Variants in PPM1H observed in about 807,000 individuals in gnomAD.
The protein encoded by PPM1H is protein phosphatase, Mg2+/Mn2+ dependent 1H.
In PPM1H, 27 loss-of-function variants were observed where a neutral mutation model predicts 54.9. The ratio of observed to expected loss-of-function variants is 0.49; its 90% CI spans 0.36 to 0.68. The LOEUF (loss-of-function observed/expected upper bound fraction) is 0.68, where lower values mean the gene tolerates loss of function less well. PPM1H is among the 30% of genes least tolerant of loss of function. The probability of loss-of-function intolerance (pLI) is 0.00; values close to 1 mark genes in which losing one functional copy is unlikely to be tolerated. For synonymous variants in PPM1H, 305 were observed against 270.8 expected, an observed-to-expected ratio of 1.13 and a Z score of -1.24; for missense variants, 596 against 667.8, an observed-to-expected ratio of 0.89 and a Z score of 1.19.
rs537477623 is a variant in PPM1H at position 62,902,190 on chromosome 12, G to A, written c.245+32302C>T. ...AGCCTGTCCAACATGGCGAAACCCC[G>A]TCTCTACTAAAAATACAAAAATTAG... On this transcript the variant is annotated intron_variant, in intron 1 of 9. Coordinates refer to ENST00000228705, the MANE Select transcript of PPM1H (RefSeq NM_020700.2). Among the ~76,000 whole-genome samples, 197 of 151,638 alleles carry A rather than the reference G, an allele frequency of 1.3e-3. 1 individual carries two copies. The highest frequency in any genetic ancestry group is 5.0e-3 in the Admixed American group (76 of 15,236).
chr12:62,721,898 A>C (rs1158226459), intron 5 of PPM1H, among the ~76,000 whole-genome samples: 1 of 152,112 alleles, frequency 6.6e-6, no homozygotes, highest in African/African-American at 2.4e-5. Flanking sequence ...TGAGTACTAC[A>C]CTCAGTGCTT....
intron 4 of PPM1H, 70 bp downstream of exon 4, chr12:62,788,156 T>C (rs1166558004): frequency 2.8e-6 from 3 of 1,057,704 alleles, no homozygotes; most frequent in Non-Finnish European, 4.2e-6. Context: ...AATCATTTAA[T>C]TTTTGAGACA....
intron 1 of PPM1H, among the ~76,000 whole-genome samples, chr12:62,872,813 A>G (rs185811455): frequency 1.3e-5 from 2 of 152,328 alleles, no homozygotes; most frequent in Admixed American, 1.3e-4. Flanking sequence ...ACTAAAATGT[A>G]TTTCCAGGAA....
chr12:62,661,099 G>C (rs1183900242), intron 9 of PPM1H, among the ~76,000 whole-genome samples: 1 of 152,072 alleles, frequency 6.6e-6, no homozygotes, highest in Non-Finnish European at 1.5e-5. Context: ...TCCAAGACCA[G>C]TCAGCCACAC....
At chr12:62,774,321 A>G (rs2120659577) in intron 4 of PPM1H, among the ~76,000 whole-genome samples, 1 of 152,134 alleles carries the variant, frequency 6.6e-6, no homozygotes, top group Non-Finnish European at 1.5e-5. Flanking sequence ...GGCAGCTAAG[A>G]GCAAAGACAC....
intron 1 of PPM1H, among the ~76,000 whole-genome samples, chr12:62,913,786 C>T (rs556085338): frequency 4.6e-5 from 7 of 152,194 alleles, no homozygotes; most frequent in South Asian, 2.1e-4. Flanking sequence ...CTGCAACCTC[C>T]GCCTCCCGGG....
intron 2 of PPM1H, among the ~76,000 whole-genome samples, chr12:62,830,199 C>T (rs984757065): frequency 2.0e-5 from 3 of 152,188 alleles, no homozygotes; most frequent in African/African-American, 7.2e-5. Context: ...TCCAATCAGC[C>T]TCCTTCTACC....
intron 4 of PPM1H, among the ~76,000 whole-genome samples, chr12:62,764,831 G>A (rs1478620918): frequency 6.6e-6 from 1 of 152,226 alleles, no homozygotes; most frequent in Non-Finnish European, 1.5e-5. Context: ...GGGGGGCCAT[G>A]GAGAAGGATG....
At chr12:62,843,259 G>A (rs1267590390) in intron 1 of PPM1H, among the ~76,000 whole-genome samples, 2 of 152,188 alleles carry the variant, frequency 1.3e-5, no homozygotes, top group Non-Finnish European at 2.9e-5. Flanking sequence ...GGAGGATGCA[G>A]TGAGCCGAGA....
chr12:62,676,909 G>A (rs2075990214), intron 8 of PPM1H, among the ~76,000 whole-genome samples: 1 of 152,150 alleles, frequency 6.6e-6, no homozygotes, highest in Non-Finnish European at 1.5e-5. Flanking sequence ...TTGAAGCATG[G>A]GAGCCAGGCT....
At chr12:62,873,447 G>A (rs1249106012) in intron 1 of PPM1H, among the ~76,000 whole-genome samples, 3 of 152,208 alleles carry the variant, frequency 2.0e-5, no homozygotes, top group Non-Finnish European at 4.4e-5. Flanking sequence ...CTACCTTGCA[G>A]TCCCGAGAAT....
chr12:62,845,905 T>C (rs1329582873), intron 1 of PPM1H, among the ~76,000 whole-genome samples: 2 of 152,160 alleles, frequency 1.3e-5, no homozygotes, highest in Admixed American at 6.5e-5. Context: ...GTGTTCTTTG[T>C]CTTAGTGGAC....
At chr12:62,765,549 G>A (rs1051682984) in intron 4 of PPM1H, among the ~76,000 whole-genome samples, 1 of 152,206 alleles carries the variant, frequency 6.6e-6, no homozygotes, top group African/African-American at 2.4e-5. Flanking sequence ...AGTTGAGCCT[G>A]CTTCTAGAAG....
intron 1 of PPM1H, among the ~76,000 whole-genome samples, chr12:62,861,969 C>T (rs942042786): frequency 1.3e-5 from 2 of 152,202 alleles, no homozygotes; most frequent in Non-Finnish European, 2.9e-5. Flanking sequence ...TGCTTATGTG[C>T]AAATCTGGCC....
At chr12:62,929,335 T>G (rs895853812) in intron 1 of PPM1H, among the ~76,000 whole-genome samples, 2 of 152,190 alleles carry the variant, frequency 1.3e-5, no homozygotes, top group Non-Finnish European at 2.9e-5. Flanking sequence ...GATTATTTCC[T>G]GAAAAATGAT....
rs958571776 is a variant in PPM1H at position 62,933,115 on chromosome 12, T to G, written c.245+1377A>C. Among the ~76,000 whole-genome samples the G allele has an allele frequency of 2.6e-5, 4 of 152,196 alleles. 1 individual carries two copies. Among genetic ancestry groups the G allele is most frequent in the Admixed American group, 2.0e-4 (3 of 15,284 alleles). On this transcript the variant is annotated intron_variant, in intron 1 of 9. Coordinates refer to ENST00000228705, the MANE Select transcript of PPM1H (RefSeq NM_020700.2). The stretch of plus-strand genomic sequence containing the variant: ...CCACCCACAACGTTCTCTTCCGTGC[T>G]CATCTTTTATGATGTGTTAATTTTT...
chr12:62,755,530 A>G (rs2076468104), intron 4 of PPM1H: 1 of 661,916 alleles, frequency 1.5e-6, no homozygotes. Context: ...CGGTGTCTTC[A>G]CCACCATGGA....
chr12:62,749,496 C>T (rs556750021), intron 4 of PPM1H, among the ~76,000 whole-genome samples: 3 of 152,236 alleles, frequency 2.0e-5, no homozygotes, highest in Non-Finnish European at 2.9e-5. Context: ...GTATTAGAAA[C>T]GCATTGTTGG....
chr12:62,835,277 T>C (rs968594785), intron 1 of PPM1H, among the ~76,000 whole-genome samples: 9 of 152,224 alleles, frequency 5.9e-5, no homozygotes, highest in African/African-American at 2.2e-4. Flanking sequence ...ACTCCAAAGT[T>C]GACCTAACTT....
Sources: allele counts gnomAD v4.1 joint callset (sites outside exome capture counted in the v4.1 genomes callset), GRCh38; gene constraint gnomAD v4.1.1; transcripts MANE v1.5; gene names NCBI Gene and HGNC (gene_info 2026-07-23, HGNC 2026-07-21).